The following TNS3 variants were observed in gnomAD, a reference collection of about 807,000 sequenced individuals.
TNS3 encodes the protein tensin 3, also known as tensin-3.
A neutral mutation model predicts 140.9 loss-of-function variants in TNS3; 45 were observed. The ratio of observed to expected loss-of-function variants is 0.32; its 90% confidence interval spans 0.25 to 0.41. TNS3 has a LOEUF of 0.41. TNS3 is among the 10% of genes least tolerant of loss of function. TNS3 has a pLI of 1.00. For synonymous variants in TNS3, 815 were observed against 788.4 expected (o/e 1.03, Z -0.56); for missense variants, 1,716 against 1,906.7 (o/e 0.90, Z 1.86).
rs1340451902 is a variant in TNS3 at position 47,275,847 on chromosome 7, T to C, written c.*2229A>G. 6.6e-6 allele frequency: 3 copies of C among 455,966 alleles called. No homozygotes were observed. The highest frequency in any genetic ancestry group is 2.0e-5 in the African/African-American group (1 of 50,080). The allele number at this position is 455,966 out of a possible 1,614,324, so 28.2% of individuals were successfully genotyped here. On this transcript the variant is annotated 3_prime_UTR_variant, in exon 31 of 31. Coordinates refer to ENST00000311160, the MANE Select transcript of TNS3 (RefSeq NM_022748.12). ...GGGCTTCCTGAATGCCGTCGAGGCA[T>C]GGCTTCATGAGGGCCATCGCGGGCA... is the stretch of plus-strand genomic sequence containing the variant.
In TNS3 at chr7:47,354,827, G is replaced by A. The variant is rs577672689; in HGVS notation, c.2282-8471C>T. Among the ~76,000 whole-genome samples, 6 of 152,180 alleles carry A rather than the reference G, an allele frequency of 3.9e-5. No homozygotes were observed. The East Asian group carries it at 9.7e-4, about 25-fold the overall frequency. On this transcript the variant is annotated intron_variant, in intron 17 of 30. Transcript: ENST00000311160. ...TGTGCCCCTCTTGTCGCGGTGACAC[G>A]CTCATTGTCCACCAAAACATGACAT...
intron 6 of TNS3, among the ~76,000 whole-genome samples, chr7:47,437,894 G>A (rs1584659300): frequency 6.6e-6 from 1 of 151,030 alleles, no homozygotes; most frequent in South Asian, 2.1e-4. Flanking sequence ...TACATGGTGG[G>A]GAAGGCTGTC....
At chr7:47,545,165 CG>C (rs1799888396) in intron 1 of TNS3, among the ~76,000 whole-genome samples, 2 of 112,678 alleles carry the variant, frequency 1.8e-5, no homozygotes, top group African/African-American at 6.8e-5. Context: ...TTTTTTGAGA[CG>C]GAGTCTCGCT....
chr7:47,336,189 TAAAA>T (rs10551215), intron 20 of TNS3, among the ~76,000 whole-genome samples: 56 of 133,112 alleles, frequency 4.2e-4, no homozygotes, highest in African/African-American at 8.0e-4. Context: ...CAAGCAGAGT[TAAAA>T]AAAAAAAAAA....
chr7:47,377,736 C>CTCCTCCCTTTCCTCCTCCTTCTCT (rs1791488752), intron 16 of TNS3, among the ~76,000 whole-genome samples: 3 of 150,952 alleles, frequency 2.0e-5, no homozygotes, highest in Admixed American at 6.6e-5. Context: ...CCTCCTTCTC[C>CTCCTCCCTTTCCTCCTCCTTCTCT]TCCTCCCTTT....
intron 4 of TNS3, among the ~76,000 whole-genome samples, chr7:47,466,822 G>T (rs1460200624): frequency 6.6e-6 from 1 of 152,174 alleles, no homozygotes; most frequent in Non-Finnish European, 1.5e-5. Context: ...CATTTTCAAG[G>T]TTTATTAGCT....
intron 3 of TNS3, among the ~76,000 whole-genome samples, chr7:47,495,507 C>G (rs1382245526): frequency 6.6e-6 from 1 of 152,186 alleles, no homozygotes; most frequent in Non-Finnish European, 1.5e-5. Flanking sequence ...CTCTCCTAGC[C>G]TGACAGGGAT....
At chr7:47,481,604 A>C in intron 3 of TNS3, 1 of 955,060 alleles carries the variant, frequency 1.0e-6, no homozygotes, top group Non-Finnish European at 1.2e-6. Context: ...TCTTTTCTAG[A>C]ACTATTTCTA....
At chr7:47,534,940 T>C (rs1188108693) in intron 1 of TNS3, among the ~76,000 whole-genome samples, 1 of 152,118 alleles carries the variant, frequency 6.6e-6, no homozygotes, top group Admixed American at 6.5e-5. Context: ...GACTCAGGCC[T>C]CATATGCCTC....
At chr7:47,537,966 A>ACCC (rs113842617) in intron 1 of TNS3, among the ~76,000 whole-genome samples, 3 of 126,118 alleles carry the variant, frequency 2.4e-5, no homozygotes, top group Non-Finnish European at 5.0e-5. Context: ...CCCTCACCGC[A>ACCC]CCCCCCCCAC....
intron 20 of TNS3, among the ~76,000 whole-genome samples, chr7:47,343,471 T>G (rs1351286590): frequency 1.3e-5 from 2 of 152,140 alleles, no homozygotes; most frequent in South Asian, 4.2e-4. Flanking sequence ...ACAAACCCGG[T>G]TTTGGTGTTG....
chr7:47,298,678 C>T (rs1433881942), intron 23 of TNS3, among the ~76,000 whole-genome samples: 1 of 152,258 alleles, frequency 6.6e-6, no homozygotes, highest in Non-Finnish European at 1.5e-5. Context: ...GGGATGCCCC[C>T]GGCATGCCTC....
At chr7:47,546,270 ACCTGAGCC>A (rs1278609523) in intron 1 of TNS3, among the ~76,000 whole-genome samples, 1 of 152,086 alleles carries the variant, frequency 6.6e-6, no homozygotes, top group Non-Finnish European at 1.5e-5. Context: ...TAACCATCTT[ACCTGAGCC>A]ACTTGTCTCA....
At chr7:47,420,586 G>A (rs559810195) in intron 10 of TNS3, among the ~76,000 whole-genome samples, 41 of 152,334 alleles carry the variant, frequency 2.7e-4, no homozygotes, top group African/African-American at 9.9e-4. Flanking sequence ...AGCCCCCTCT[G>A]AGGGAAGAAT....
intron 20 of TNS3, among the ~76,000 whole-genome samples, chr7:47,320,635 C>A (rs6963462): frequency 0.11 from 16,624 of 152,210 alleles, 1,138 homozygotes; most frequent in South Asian, 0.19. Context: ...TCGCCCCCTT[C>A]TACAGGGACA....
chr7:47,314,225 C>G (rs1041280650), intron 20 of TNS3, among the ~76,000 whole-genome samples: 1 of 152,228 alleles, frequency 6.6e-6, no homozygotes, highest in Non-Finnish European at 1.5e-5. Context: ...GGACTGCAGA[C>G]AGCAAGGAGG....
intron 17 of TNS3, 84 bp downstream of exon 17, chr7:47,368,281 A>T: frequency 3.1e-6 from 4 of 1,298,424 alleles, no homozygotes; most frequent in Non-Finnish European, 4.0e-6. Flanking sequence ...GCCAAAAGCT[A>T]ACCTACTAGG....
At chr7:47,572,839 A>G (rs1800589565) in intron 1 of TNS3, among the ~76,000 whole-genome samples, 1 of 151,928 alleles carries the variant, frequency 6.6e-6, no homozygotes, top group Non-Finnish European at 1.5e-5. Context: ...TGCCTGGGCG[A>G]CAGAACGAGA....
intron 16 of TNS3, among the ~76,000 whole-genome samples, chr7:47,376,940 G>T (rs188198252): frequency 6.6e-6 from 1 of 152,128 alleles, no homozygotes; most frequent in South Asian, 2.1e-4. Flanking sequence ...TTAGTGGATC[G>T]GGTGCTGTTC....
Sources: gnomAD v4.1 joint callset for allele counts (sites outside exome capture counted in the v4.1 genomes callset) on GRCh38, gnomAD v4.1.1 for gene constraint, MANE v1.5 for transcripts, NCBI Gene and HGNC (gene_info 2026-07-23, HGNC 2026-07-21) for gene names.